The following PHF20 variants were observed in gnomAD, a reference collection of about 807,000 sequenced individuals.
The protein encoded by PHF20 is PHD finger protein 20, also known as glioma-expressed antigen 2.
A neutral mutation model predicts 113.5 loss-of-function variants in PHF20; 23 were observed. The ratio of observed to expected loss-of-function variants is 0.20; its 90% CI spans 0.15 to 0.29. The LOEUF is 0.29. Ranked by LOEUF, PHF20 falls within the 10% of genes least tolerant of loss-of-function variation. PHF20 has a pLI of 1.00. For synonymous variants in PHF20, 434 were observed against 457.3 expected (o/e 0.95, Z 0.65); for missense variants, 943 against 1,219.6 (o/e 0.77, Z 3.38).
At chr20:35,843,927 T>A (rs778877937) in intron 3 of PHF20, among the ~76,000 whole-genome samples, 26 of 152,168 alleles carry the variant, frequency 1.7e-4, no homozygotes, top group Admixed American at 3.3e-4. Context: ...GTATTCCATT[T>A]TTCTAAATTT....
At chr20:35,892,023 C>A (rs1432904341) in intron 9 of PHF20, among the ~76,000 whole-genome samples, 6 of 151,590 alleles carry the variant, frequency 4.0e-5, no homozygotes, top group Non-Finnish European at 8.8e-5. Flanking sequence ...GCATCCGCCA[C>A]CACCCCCAGC....
chr20:35,875,458 G>A (rs748785531), intron 9 of PHF20, among the ~76,000 whole-genome samples: 38 of 151,894 alleles, frequency 2.5e-4, no homozygotes, highest in Non-Finnish European at 5.4e-4. Context: ...TCATCTCGGC[G>A]GCTGTTCTCT....
At chr20:35,905,322 G>C (rs1327439207) in intron 10 of PHF20, among the ~76,000 whole-genome samples, 1 of 152,172 alleles carries the variant, frequency 6.6e-6, no homozygotes, top group Admixed American at 6.5e-5. Context: ...GGTGACATTT[G>C]AGTTAGGCCT....
chr20:35,823,609 T>G (rs1443185450), intron 2 of PHF20, among the ~76,000 whole-genome samples: 2 of 130,432 alleles, frequency 1.5e-5, no homozygotes, highest in Admixed American at 1.9e-4. Context: ...CTCCAGCCTG[T>G]GTGATAGAGC....
chr20:35,865,368 G>A (rs1296472511), intron 6 of PHF20, among the ~76,000 whole-genome samples: 1 of 151,790 alleles, frequency 6.6e-6, no homozygotes, highest in Non-Finnish European at 1.5e-5. Flanking sequence ...GAGAGTGGTG[G>A]CACGTGCTTG....
intron 10 of PHF20, among the ~76,000 whole-genome samples, chr20:35,903,198 G>C (rs1431846964): frequency 1.3e-5 from 2 of 148,356 alleles, no homozygotes; most frequent in Non-Finnish European, 3.0e-5. Flanking sequence ...CCTTTTCAAT[G>C]GGATTTGGAA....
Position 35,947,702 on chromosome 20 carries a change from A to G in PHF20, c.*75A>G. The G allele has an allele frequency of 6.8e-7, 1 of 1,468,568 alleles. No homozygotes were observed. Among genetic ancestry groups the G allele is most frequent in the Non-Finnish European group, 9.4e-7 (1 of 1,063,096 alleles). The allele number at this position is 1,468,568 out of a possible 1,614,324, so 91.0% of individuals were successfully genotyped here. A position where few individuals can be genotyped will look rare whatever the true frequency, so the allele number is the denominator to read the frequency against. On this transcript the variant is annotated 3_prime_UTR_variant, in exon 18 of 18. Coordinates refer to ENST00000374012, the MANE Select transcript of PHF20 (RefSeq NM_016436.5). ...AGGAGCTTCGCATATTTAAATAAAT[A>G]AACCTAGCATGCTGAATGCACGTGA...
intron 9 of PHF20, among the ~76,000 whole-genome samples, chr20:35,889,266 G>T (rs1600883679): frequency 6.6e-6 from 1 of 152,010 alleles, no homozygotes; most frequent in East Asian, 1.9e-4. Flanking sequence ...CGCCCACCTT[G>T]TCCTCCCAAC....
chr20:35,858,376 G>C lies in PHF20; in HGVS notation c.415G>C (p.Asp139His), dbSNP rs200034859. The C allele has an allele frequency of 2.2e-4, 349 of 1,563,074 alleles. No homozygotes were observed. Among genetic ancestry groups the C allele is most frequent in the Non-Finnish European group, 2.9e-4 (335 of 1,138,296 alleles). Residue 139 changes from aspartate (D) to histidine (H), a missense_variant, in exon 5 of 18, where the codon GAT (aspartate) becomes CAT (histidine). Asp to His is a moderately conservative substitution (Grantham distance 81, BLOSUM62 -1). This residue lies in a region of PHF20 where 592 missense variants were observed against 787.2 expected (regional missense o/e 0.75). Transcript: ENST00000374012. Reference sequence around the variant, plus strand: ...TATTCATGTCAAAGCTTTTTCCAAAGATCAGGTGAGAAATGTGGTTTTGTG... The same window carrying C: ...TATTCATGTCAAAGCTTTTTCCAAACATCAGGTGAGAAATGTGGTTTTGTG... ...KHIHVKAFSK[D>H]QNIVGNARPK...
At chr20:35,895,492 A>G (rs561402387) in intron 9 of PHF20, among the ~76,000 whole-genome samples, 3 of 152,278 alleles carry the variant, frequency 2.0e-5, no homozygotes, top group Admixed American at 6.5e-5. Flanking sequence ...CAAAATGGCA[A>G]GTTTATATGA....
chr20:35,880,946 C>T (rs183494628), intron 9 of PHF20, among the ~76,000 whole-genome samples: 11 of 150,418 alleles, frequency 7.3e-5, no homozygotes, highest in Non-Finnish European at 1.3e-4. Context: ...AATGACAGAG[C>T]GAGACTCTGT....
At position 35,940,917 on chromosome 20, in the gene PHF20, G is replaced by C. The variant is rs2055965229; in HGVS notation, c.2766G>C (p.Lys922Asn). 3 of 1,614,066 alleles carry C rather than the reference G, an allele frequency of 1.9e-6. No homozygotes were observed. In the African/African-American group the frequency reaches 4.0e-5, roughly 22 times the overall value. The part of the protein sequence containing the change: ...KALPEEAPAR[K>N]LLDRGGEGLL... ...TACCAGAAGAAGCCCCTGCTCGGAA[G>C]CTGCTGGACAGAGGTGGAGAGGGGC... Residue 922 changes from lysine to asparagine, a missense_variant, in exon 17 of 18, where the codon AAG (lysine) becomes AAC (asparagine). Lys to Asn is a moderately conservative substitution (Grantham distance 94). This residue lies in a region of PHF20 where 349 missense variants were observed against 412.3 expected (regional missense o/e 0.85). Coordinates refer to ENST00000374012, the MANE Select transcript of PHF20 (RefSeq NM_016436.5).
At chr20:35,845,911 G>T (rs546811339) in intron 3 of PHF20, among the ~76,000 whole-genome samples, 4 of 151,744 alleles carry the variant, frequency 2.6e-5, no homozygotes, top group Non-Finnish European at 5.9e-5. Context: ...GAGTAGCTTG[G>T]ACTACAGACG....
intron 1 of PHF20, among the ~76,000 whole-genome samples, chr20:35,787,214 T>C (rs141539308): frequency 1.3e-5 from 2 of 152,006 alleles, no homozygotes; most frequent in East Asian, 3.9e-4. Context: ...AGTTTCACTC[T>C]TGTTGCCCAG....
intron 1 of PHF20, among the ~76,000 whole-genome samples, chr20:35,772,328 G>T (rs1441590730): frequency 6.6e-6 from 1 of 150,616 alleles, no homozygotes; most frequent in Non-Finnish European, 1.5e-5. Flanking sequence ...GGCGGCTGCC[G>T]CCAATCAGCG....
intron 10 of PHF20, among the ~76,000 whole-genome samples, chr20:35,901,356 A>G (rs1010890439): frequency 1.3e-5 from 2 of 151,368 alleles, no homozygotes; most frequent in Non-Finnish European, 2.9e-5. Flanking sequence ...CAGAGGTTGC[A>G]GTGAGCCAAG....
intron 5 of PHF20, among the ~76,000 whole-genome samples, chr20:35,859,705 C>T (rs569968159): frequency 4.9e-4 from 74 of 152,040 alleles, no homozygotes; most frequent in African/African-American, 1.5e-3. Flanking sequence ...CCACCACGCC[C>T]GGCTCATTTT....
Position 35,948,029 on chromosome 20 carries a change from A to C in PHF20, c.*402A>C. The C allele has an allele frequency of 5.8e-6, 1 of 171,128 alleles. No individual in the cohort carries two copies. The highest frequency in any genetic ancestry group is 1.3e-5 in the Non-Finnish European group (1 of 78,316). The allele number at this position is 171,128 out of a possible 1,614,324, so 10.6% of individuals were successfully genotyped here. A position where few individuals can be genotyped will look rare whatever the true frequency, so the allele number is the denominator to read the frequency against. Reference sequence around the variant, plus strand: ...TTCTATCACGTTGGGGCACATGCCAACTCCCTGGTTTCTTCCTGGCATGGT... The same window carrying C: ...TTCTATCACGTTGGGGCACATGCCACCTCCCTGGTTTCTTCCTGGCATGGT... On this transcript the variant is annotated 3_prime_UTR_variant, in exon 18 of 18. Coordinates refer to ENST00000374012, the MANE Select transcript of PHF20 (RefSeq NM_016436.5).
At chr20:35,937,859 T>C (rs935820764) in intron 15 of PHF20, among the ~76,000 whole-genome samples, 3 of 151,942 alleles carry the variant, frequency 2.0e-5, no homozygotes, top group Non-Finnish European at 4.4e-5. Flanking sequence ...TAATGTTTTG[T>C]TGTTGTTGTT....
Sources: gnomAD v4.1 joint callset for allele counts (sites outside exome capture counted in the v4.1 genomes callset) on GRCh38, gnomAD v4.1.1 for gene constraint, gnomAD v4.1.1 regional missense constraint, MANE v1.5 for transcripts, NCBI Gene and HGNC (gene_info 2026-07-23, HGNC 2026-07-21) for gene names.